Variants in CIZ1 observed in about 807,000 individuals in gnomAD.
CIZ1 encodes the protein cip1-interacting zinc finger protein.
In CIZ1, 58 loss-of-function variants were observed where a neutral mutation model predicts 118.6. The ratio of observed to expected loss-of-function variants is 0.49; its 90% confidence interval spans 0.40 to 0.61. CIZ1 has a LOEUF of 0.61. Among genes scored for constraint, CIZ1 ranks in the 20% least tolerant of loss-of-function variants. CIZ1 has a pLI of 0.00. For synonymous variants in CIZ1, 448 were observed against 443.4 expected (o/e 1.01, Z -0.13); for missense variants, 921 against 1,115.9 (o/e 0.83, Z 2.49).
At chr9:128,197,644 A>G (rs956857367) in intron 1 of CIZ1, 2 of 152,348 alleles carry the variant, frequency 1.3e-5, no homozygotes, top group African/African-American at 4.8e-5. Context: ...AGTTTGGCCA[A>G]CTGTGCCAGA....
intron 3 of CIZ1, 36 bp downstream of exon 3, chr9:128,190,293 A>G (rs748667613): frequency 6.8e-7 from 1 of 1,461,950 alleles, no homozygotes; most frequent in Non-Finnish European, 9.6e-7. Flanking sequence ...AGCTACCACT[A>G]AAAGAGACTG....
At chr9:128,192,931 A>C (rs1307569879), upstream of CIZ1, among the ~76,000 whole-genome samples, 3 of 152,152 alleles carry the variant, frequency 2.0e-5, no homozygotes, top group African/African-American at 7.2e-5. Context: ...TTCCGCGCCG[A>C]CGTTGGGCGG....
upstream of CIZ1, among the ~76,000 whole-genome samples, chr9:128,192,859 C>T (rs1761990457): frequency 6.6e-6 from 1 of 152,228 alleles, no homozygotes; most frequent in South Asian, 2.1e-4. Flanking sequence ...GCAATTCCGG[C>T]TCCCTTTTCT....
At chr9:128,186,416 A>C (rs1832381890) in intron 4 of CIZ1, among the ~76,000 whole-genome samples, 1 of 151,932 alleles carries the variant, frequency 6.6e-6, no homozygotes, top group Non-Finnish European at 1.5e-5. Context: ...CCATCCCCAC[A>C]TACTATCAAC....
chr9:128,198,863 T>TA (rs1833442117), intron 1 of CIZ1, among the ~76,000 whole-genome samples: 1 of 151,798 alleles, frequency 6.6e-6, no homozygotes, highest in Admixed American at 6.6e-5. Context: ...TTTTGTGCAC[T>TA]AAAAATATGT....
chr9:128,188,449 T>C (rs1832716285), intron 3 of CIZ1, among the ~76,000 whole-genome samples: 1 of 152,138 alleles, frequency 6.6e-6, no homozygotes, highest in South Asian at 2.1e-4. Context: ...ATTTTTAACC[T>C]TTTTTTCCAC....
At chr9:128,186,113 G>A (rs1832336237) in intron 4 of CIZ1, among the ~76,000 whole-genome samples, 4 of 152,074 alleles carry the variant, frequency 2.6e-5, no homozygotes, top group African/African-American at 4.8e-5. Context: ...AGAACCAGCA[G>A]GAGGGCTGGT....
chr9:128,201,344 G>C (rs1262184065), intron 1 of CIZ1, among the ~76,000 whole-genome samples: 1 of 152,132 alleles, frequency 6.6e-6, no homozygotes, highest in Non-Finnish European at 1.5e-5. Context: ...CAGCTACTCG[G>C]GAGGCTGAGG....
chr9:128,173,140 T>C (rs866258192), intron 11 of CIZ1, among the ~76,000 whole-genome samples: 59 of 135,444 alleles, frequency 4.4e-4, no homozygotes, highest in African/African-American at 1.5e-3. Flanking sequence ...AATTTCTTTT[T>C]TTTTTTTTTT....
intron 7 of CIZ1, among the ~76,000 whole-genome samples, chr9:128,179,683 T>C (rs1831325378): frequency 6.6e-6 from 1 of 151,806 alleles, no homozygotes; most frequent in Admixed American, 6.6e-5. Flanking sequence ...TGTTTGTTTG[T>C]TTTTTTGAGA....
Position 128,177,541 on chromosome 9 carries a change from C to T in CIZ1, c.1818+25G>A, listed in dbSNP as rs375456038. ...CATTCCACGCAGGCCCCACCCCTCC[C>T]CACCCTTATCTCCTGTATCAGTACC... On this transcript the variant is annotated intron_variant, in intron 10 of 16. Coordinates refer to ENST00000372938, the MANE Select transcript of CIZ1 (RefSeq NM_001131016.2). 12 of 1,227,986 alleles carry T rather than the reference C, an allele frequency of 9.8e-6. 1 individual carries two copies. Among genetic ancestry groups the T allele is most frequent in the Middle Eastern group, 2.8e-4 (1 of 3,514 alleles). 76.1% of individuals were successfully genotyped at this position (1,227,986 alleles called of 1,614,324 possible).
rs748184527 is a variant in CIZ1 at position 128,179,089 on chromosome 9, T to G, written c.1118A>C (p.Lys373Thr). The change falls in exon 8 of 17, where the codon AAG becomes ACG. Residue 373 changes from lysine (K) to threonine (T), a missense_variant. Physicochemically the swap from Lys to Thr is moderately conservative, Grantham distance 78 (BLOSUM62 -1). Coordinates refer to ENST00000372938, the MANE Select transcript of CIZ1 (RefSeq NM_001131016.2). ...TGGCTGTACCTGTGGCTGCACCTGCTTCTGTGGCTCTGCCTCCTGCTGCAG... is the reference window on the plus strand; with the variant it reads ...TGGCTGTACCTGTGGCTGCACCTGCGTCTGTGGCTCTGCCTCCTGCTGCAG... ...PQLQQEAEPQKQVQPQVQPQA... is the reference protein window; with the variant it reads ...PQLQQEAEPQTQVQPQVQPQA... 1 of 1,613,852 alleles carries G rather than the reference T, an allele frequency of 6.2e-7. No homozygotes were observed. The highest frequency in any genetic ancestry group is 8.5e-7 in the Non-Finnish European group (1 of 1,179,836).
At chr9:128,172,486 C>T (rs1830269120) in intron 11 of CIZ1, among the ~76,000 whole-genome samples, 1 of 151,970 alleles carries the variant, frequency 6.6e-6, no homozygotes, top group Non-Finnish European at 1.5e-5. Flanking sequence ...GAGCGAGACT[C>T]CCTCTCAAAA....
intron 1 of CIZ1, chr9:128,202,827 T>G (rs1053535608): frequency 2.0e-5 from 3 of 152,246 alleles, no homozygotes; most frequent in African/African-American, 7.2e-5. Context: ...TTGGCTGTCT[T>G]ATTCGTTGCT....
intron 7 of CIZ1, among the ~76,000 whole-genome samples, chr9:128,180,079 G>A (rs1249929144): frequency 6.6e-6 from 1 of 152,106 alleles, no homozygotes; most frequent in African/African-American, 2.4e-5. Context: ...GGGGAGGATC[G>A]TTCTCACCTC....
At chr9:128,194,199 T>C (rs1386807569), upstream of CIZ1, among the ~76,000 whole-genome samples, 1 of 151,366 alleles carries the variant, frequency 6.6e-6, no homozygotes, top group Non-Finnish European at 1.5e-5. Flanking sequence ...TCATCTCTAC[T>C]AAAAATACAA....
intron 4 of CIZ1, 60 bp from the exon 5 acceptor site, chr9:128,185,836 G>T: frequency 8.3e-7 from 1 of 1,211,390 alleles, no homozygotes; most frequent in Non-Finnish European, 1.2e-6. Flanking sequence ...AGAAGGTAGG[G>T]TCAGGCATCA....
Position 128,180,494 on chromosome 9 carries a change from T to A in CIZ1, c.712A>T (p.Ile238Phe), listed in dbSNP as rs1391138416. 6.2e-7 allele frequency: 1 copy of A among 1,614,144 alleles called. No individual in the cohort carries two copies. The highest frequency in any genetic ancestry group is 8.5e-7 in the Non-Finnish European group (1 of 1,180,012). The change falls in exon 7 of 17, where the codon ATC becomes TTC. Residue 238 changes from isoleucine (I) to phenylalanine (F), a missense_variant. Ile to Phe is a conservative substitution (Grantham distance 21). Coordinates refer to ENST00000372938, the MANE Select transcript of CIZ1 (RefSeq NM_001131016.2). Reference sequence around the variant, plus strand: ...GCTGGAGTGCGTTTTTCCTTGGCGATGTCCTCTGGGCAGGGCGGTAAATCT... The same window carrying A: ...GCTGGAGTGCGTTTTTCCTTGGCGAAGTCCTCTGGGCAGGGCGGTAAATCT... Reference protein sequence around the residue: ...DQDLPPCPEDIAKEKRTPAPE... With the variant: ...DQDLPPCPEDFAKEKRTPAPE...
In CIZ1 at chr9:128,199,489, C is replaced by T. The variant is rs1833457742; in HGVS notation, c.-6+4697G>A. Among the ~76,000 whole-genome samples the T allele has an allele frequency of 3.3e-5, 5 of 152,006 alleles. 1 individual carries two copies. In the South Asian group the frequency reaches 1.0e-3, roughly 31 times the overall value. On this transcript the variant is annotated intron_variant, in intron 1 of 17. Coordinates refer to the CIZ1 transcript ENST00000372948. The stretch of plus-strand genomic sequence containing the variant: ...GCCAAAACAGTAGGATCACTTGAAA[C>T]CAGGAGTTCAAAACCAACCTGGGCA...
Sources: gnomAD v4.1 joint callset for allele counts (sites outside exome capture counted in the v4.1 genomes callset) on GRCh38, gnomAD v4.1.1 for gene constraint, MANE v1.5 for transcripts, NCBI Gene and HGNC (gene_info 2026-07-23, HGNC 2026-07-21) for gene names.